The following SKAP2 variants were observed in gnomAD, a reference collection of about 807,000 sequenced individuals.
SKAP2 encodes the protein src kinase associated phosphoprotein 2, also known as src kinase-associated phosphoprotein 2.
A neutral mutation model predicts 54.9 loss-of-function variants in SKAP2; 28 were observed. The observed-to-expected ratio is 0.51, with a 90% CI of 0.38 to 0.70. The LOEUF (loss-of-function observed/expected upper bound fraction) is 0.70, where lower values mean the gene tolerates loss of function less well. Ranked by LOEUF, SKAP2 falls within the 30% of genes least tolerant of loss-of-function variation. The pLI, the probability that SKAP2 is intolerant of heterozygous loss-of-function variation, is 0.00. For synonymous variants in SKAP2, 137 were observed against 134.3 expected (o/e 1.02, Z -0.14); for missense variants, 356 against 424.1 (o/e 0.84, Z 1.41).
chr7:26,786,032 A>G (rs1162121300), intron 4 of SKAP2, among the ~76,000 whole-genome samples: 2 of 151,990 alleles, frequency 1.3e-5, no homozygotes, highest in Admixed American at 1.3e-4. Context: ...CCTCCCCTTC[A>G]CCCCAAGAAC....
chr7:26,861,615 C>CTT (rs34331819), intron 1 of SKAP2, among the ~76,000 whole-genome samples: 100 of 116,070 alleles, frequency 8.6e-4, no homozygotes, highest in East Asian at 2.0e-3. Flanking sequence ...ATAACAACCT[C>CTT]TTTTTTTTTT....
At chr7:26,816,720 C>G (rs1347665601) in intron 4 of SKAP2, among the ~76,000 whole-genome samples, 1 of 151,846 alleles carries the variant, frequency 6.6e-6, no homozygotes, top group African/African-American at 2.4e-5. Flanking sequence ...ATTTCTCTAG[C>G]AAAGAAATTT....
intron 11 of SKAP2, among the ~76,000 whole-genome samples, chr7:26,676,993 G>A (rs1406834404): frequency 2.0e-5 from 3 of 152,224 alleles, no homozygotes; most frequent in African/African-American, 4.8e-5. Flanking sequence ...ACAAGGTACA[G>A]GCGAAGATAA....
intron 11 of SKAP2, among the ~76,000 whole-genome samples, chr7:26,675,786 AGCATGCTGTTCCCACCTGTG>A (rs1400033285): frequency 3.3e-5 from 5 of 152,352 alleles, no homozygotes; most frequent in African/African-American, 1.2e-4. Flanking sequence ...GATCTGAAGG[AGCATGCTGTTCCCACCTGTG>A]GCAGGCTGTT....
At chr7:26,847,877 T>C (rs745639544) in intron 3 of SKAP2, 1 of 152,244 alleles carries the variant, frequency 6.6e-6, no homozygotes, top group African/African-American at 2.4e-5. Context: ...GATGGGGTTG[T>C]TGCTCATTAA....
At chr7:26,832,679 A>G (rs1784619631) in intron 4 of SKAP2, among the ~76,000 whole-genome samples, 1 of 152,148 alleles carries the variant, frequency 6.6e-6, no homozygotes, top group African/African-American at 2.4e-5. Context: ...AGCTTTAATA[A>G]AACTGGTAAT....
rs763455153 is a variant in SKAP2 at position 26,698,596 on chromosome 7, C to T, written c.797-8234G>A. ...ACCTTGAGTACGTAACTTTAATATT[C>T]TATGTGACAAAATCAGAAGAATGTA... On this transcript the variant is annotated intron_variant, in intron 9 of 12. Coordinates refer to ENST00000345317, the MANE Select transcript of SKAP2 (RefSeq NM_003930.5). Among the ~76,000 whole-genome samples the T allele has an allele frequency of 9.8e-5, 15 of 152,310 alleles. 1 individual carries two copies. The South Asian group carries it at 1.7e-3, about 17-fold the overall frequency.
At chr7:26,758,183 C>T (rs2127969566) in intron 4 of SKAP2, among the ~76,000 whole-genome samples, 1 of 152,142 alleles carries the variant, frequency 6.6e-6, no homozygotes, top group East Asian at 1.9e-4. Flanking sequence ...GCAGTTCTTA[C>T]TTCTAGGGAG....
At chr7:26,707,266 G>A (rs957563598) in intron 9 of SKAP2, among the ~76,000 whole-genome samples, 1 of 151,908 alleles carries the variant, frequency 6.6e-6, no homozygotes, top group Admixed American at 6.6e-5. Flanking sequence ...AGGCTTAGGT[G>A]GGAGGACTGC....
intron 4 of SKAP2, among the ~76,000 whole-genome samples, chr7:26,783,235 TCC>T (rs1369665532): frequency 1.3e-5 from 2 of 152,180 alleles, no homozygotes; most frequent in African/African-American, 4.8e-5. Flanking sequence ...CTGTCTCCTC[TCC>T]AAGTCAATCA....
chr7:26,679,506 G>A (rs913760101), intron 11 of SKAP2, among the ~76,000 whole-genome samples: 9 of 152,084 alleles, frequency 5.9e-5, no homozygotes, highest in Non-Finnish European at 7.4e-5. Flanking sequence ...AAATGTCATC[G>A]GAGCAAACAA....
At chr7:26,795,909 C>G (rs929750317) in intron 4 of SKAP2, among the ~76,000 whole-genome samples, 1 of 152,142 alleles carries the variant, frequency 6.6e-6, no homozygotes, top group East Asian at 1.9e-4. Context: ...CAGGTTTGAA[C>G]TGCACGAGTC....
At chr7:26,848,827 T>G (rs1008715010) in intron 3 of SKAP2, among the ~76,000 whole-genome samples, 2 of 152,198 alleles carry the variant, frequency 1.3e-5, no homozygotes, top group Non-Finnish European at 2.9e-5. Context: ...TCTAGGTCAA[T>G]GAAAGGAAGA....
intron 9 of SKAP2, among the ~76,000 whole-genome samples, chr7:26,699,452 G>A (rs1189868729): frequency 6.6e-6 from 1 of 152,122 alleles, no homozygotes; most frequent in Non-Finnish European, 1.5e-5. Context: ...CTAAAAATAG[G>A]TTATGTACAG....
chr7:26,721,539 T>A (rs17370293), intron 9 of SKAP2, among the ~76,000 whole-genome samples: 12,135 of 151,274 alleles, frequency 0.08, 579 homozygotes, highest in Middle Eastern at 0.16. Flanking sequence ...CATTGTAATT[T>A]AAAAAAAAAT....
chr7:26,804,739 A>C (rs966080007), intron 4 of SKAP2, among the ~76,000 whole-genome samples: 6 of 82,092 alleles, frequency 7.3e-5, no homozygotes, highest in African/African-American at 2.5e-4. Context: ...ACCCCGTCTC[A>C]AAAAAAAAAA....
At chr7:26,739,121 C>T (rs1182130727) in intron 5 of SKAP2, among the ~76,000 whole-genome samples, 2 of 152,146 alleles carry the variant, frequency 1.3e-5, no homozygotes, top group Non-Finnish European at 2.9e-5. Flanking sequence ...CTGACAGGGA[C>T]AGTCAAAAAG....
At chr7:26,682,484 G>A (rs553021284) in intron 11 of SKAP2, among the ~76,000 whole-genome samples, 80 of 152,278 alleles carry the variant, frequency 5.3e-4, no homozygotes, top group Non-Finnish European at 1.0e-3. Context: ...GTCCACAGCT[G>A]AGTAACGATG....
At chr7:26,662,551 T>C (rs192037278), downstream of SKAP2, among the ~76,000 whole-genome samples, 40 of 152,244 alleles carry the variant, frequency 2.6e-4, no homozygotes, top group Admixed American at 1.1e-3. Flanking sequence ...GGAAAGACTA[T>C]GTCAAATTCT....
Sources: gnomAD v4.1 joint callset for allele counts (sites outside exome capture counted in the v4.1 genomes callset) on GRCh38, gnomAD v4.1.1 for gene constraint, MANE v1.5 for transcripts, NCBI Gene and HGNC (gene_info 2026-07-23, HGNC 2026-07-21) for gene names.